Variants in PLEK2 observed in about 807,000 individuals in gnomAD.
PLEK2 encodes pleckstrin 2, also known as pleckstrin-2.
A neutral mutation model predicts 43.8 loss-of-function variants in PLEK2; 29 were observed. The observed-to-expected ratio is 0.66, with a 90% CI of 0.49 to 0.90. The LOEUF (loss-of-function observed/expected upper bound fraction) is 0.90. Ranked by LOEUF, PLEK2 falls within the 40% of genes least tolerant of loss-of-function variation. PLEK2 has a pLI of 0.00. For synonymous variants in PLEK2, 162 were observed against 173.2 expected, an observed-to-expected ratio of 0.94 and a Z score of 0.51; for missense variants, 398 against 448.1, an observed-to-expected ratio of 0.89 and a Z score of 1.01.
chr14:67,395,695 C>T, intron 2 of PLEK2, 112 bp from the exon 3 acceptor site: 1 of 765,872 alleles, frequency 1.3e-6, no homozygotes. Flanking sequence ...TGCCAAATGC[C>T]CTGAGCCCTC....
intron 1 of PLEK2, among the ~76,000 whole-genome samples, chr14:67,405,861 C>G (rs922816910): frequency 1.1e-4 from 17 of 152,226 alleles, no homozygotes; most frequent in African/African-American, 4.1e-4. Context: ...AGGTGACTGT[C>G]ACTCTTGGCT....
intron 1 of PLEK2, among the ~76,000 whole-genome samples, chr14:67,411,033 G>C (rs1341003356): frequency 6.6e-6 from 1 of 150,866 alleles, no homozygotes; most frequent in Non-Finnish European, 1.5e-5. Flanking sequence ...TGTAGTCCCA[G>C]CTACTAGGGA....
chr14:67,401,786 G>A (rs1010181040), intron 1 of PLEK2, among the ~76,000 whole-genome samples: 1 of 152,132 alleles, frequency 6.6e-6, no homozygotes, highest in African/African-American at 2.4e-5. Context: ...AAGGAGACTA[G>A]TGATATAAGA....
rs1367743453 is a variant in PLEK2, at chr14:67,395,560, T to C, written c.231A>G (p.Gln77=). The C allele has an allele frequency of 1.2e-6, 2 of 1,614,090 alleles. No homozygotes were observed. The highest frequency in any genetic ancestry group is 1.7e-5 in the Admixed American group (1 of 60,012). ...NRPLLIKLKT[Q]TSTEYFLEAC... is the part of the protein sequence containing the mutation. Reference sequence around the variant, plus strand: ...CCTCCAGGAAGTACTCCGTGGATGTTTGAGTCTTCAGCTTAATGAGGAGCT... The same window carrying C: ...CCTCCAGGAAGTACTCCGTGGATGTCTGAGTCTTCAGCTTAATGAGGAGCT... The change falls in exon 3 of 9, where the codon CAA becomes CAG. Residue 77 remains glutamine, a synonymous_variant. Transcript: ENST00000216446.
intron 1 of PLEK2, among the ~76,000 whole-genome samples, chr14:67,411,233 T>A (rs2086113219): frequency 6.7e-6 from 1 of 148,878 alleles, no homozygotes; most frequent in Non-Finnish European, 1.5e-5. Context: ...TCTACCATAA[T>A]CCCAGGCACT....
chr14:67,387,209 A>G lies in PLEK2; in HGVS notation c.*120T>C. On this transcript the variant is annotated 3_prime_UTR_variant, in exon 9 of 9. Coordinates refer to ENST00000216446, the MANE Select transcript of PLEK2 (RefSeq NM_016445.3). ...ATCTGAGGAACTCTTGGCAGCATTC[A>G]CTCTCCAAAGCAGTACAAAACTTAC... The G allele has an allele frequency of 1.1e-6, 1 of 894,918 alleles. No individual in the cohort carries two copies. Among genetic ancestry groups the G allele is most frequent in the Non-Finnish European group, 1.6e-6 (1 of 607,876 alleles). 55.4% of individuals were successfully genotyped at this position (894,918 alleles called of 1,614,324 possible). A position where few individuals can be genotyped will look rare whatever the true frequency, so the allele number is the denominator to read the frequency against.
chr14:67,397,799 G>C lies in PLEK2; in HGVS notation c.70C>G (p.Arg24Gly), dbSNP rs764876253. Residue 24 changes from arginine (R) to glycine (G), a missense_variant, in exon 2 of 9, where the codon CGA becomes GGA. Physicochemically the swap from Arg to Gly is moderately radical, Grantham distance 125 (BLOSUM62 -2). Transcript: ENST00000216446. ...GTGTTCTGCCGAAGGATGAACCATC[G>C]CGCCTTCCAGTTGTGGACAATGTGG... is the stretch of plus-strand genomic sequence containing the variant. The part of the protein sequence containing the change: ...RGHIVHNWKA[R>G]WFILRQNTLV... The C allele has an allele frequency of 6.2e-7, 1 of 1,612,234 alleles. No homozygotes were observed. Among genetic ancestry groups the C allele is most frequent in the Admixed American group, 1.7e-5 (1 of 59,802 alleles).
At chr14:67,410,072 G>A (rs1404912449) in intron 1 of PLEK2, among the ~76,000 whole-genome samples, 2 of 151,972 alleles carry the variant, frequency 1.3e-5, no homozygotes, top group Non-Finnish European at 2.9e-5. Flanking sequence ...AAGGGCTTAC[G>A]GGGACCAGAT....
intron 1 of PLEK2, among the ~76,000 whole-genome samples, chr14:67,401,425 T>C (rs1418274780): frequency 1.3e-5 from 2 of 152,006 alleles, no homozygotes; most frequent in African/African-American, 4.8e-5. Flanking sequence ...GGTGGGAGGA[T>C]TGCTGGGGCC....
At position 67,412,131 on chromosome 14, in the gene PLEK2, G is replaced by T; in HGVS notation, c.-72C>A. On this transcript the variant is annotated 5_prime_UTR_variant, in exon 1 of 9. In the 5' UTR this introduces an upstream ATG that the reference lacks. Coordinates refer to ENST00000216446, the MANE Select transcript of PLEK2 (RefSeq NM_016445.3). ...CCTCGCGCTCCTCGGCACCCGCGCA[G>T]CCCGCGCAGTCCGCGCCCACGGCGC... The T allele has an allele frequency of 7.5e-7, 1 of 1,332,594 alleles. No homozygotes were observed. The highest frequency in any genetic ancestry group is 9.8e-7 in the Non-Finnish European group (1 of 1,022,610). The allele number at this position is 1,332,594 out of a possible 1,614,324, so 82.5% of individuals were successfully genotyped here.
intron 2 of PLEK2, 98 bp from the exon 3 acceptor site, chr14:67,395,681 T>G: frequency 1.1e-6 from 1 of 904,390 alleles, no homozygotes; most frequent in Non-Finnish European, 1.8e-6. Context: ...TAGGTGACAG[T>G]GACTGCCAAA....
chr14:67,392,483 A>G (rs990039910), intron 5 of PLEK2, 56 bp from the exon 6 acceptor site: 37 of 1,391,960 alleles, frequency 2.7e-5, no homozygotes, highest in Non-Finnish European at 3.7e-5. Context: ...GGCCCAGGCT[A>G]TGGCGGCTGT....
intron 3 of PLEK2, among the ~76,000 whole-genome samples, chr14:67,395,014 A>G (rs1489578511): frequency 1.3e-5 from 2 of 152,150 alleles, no homozygotes; most frequent in African/African-American, 4.8e-5. Context: ...CTCTATAATG[A>G]TAAGAAATAA....
At chr14:67,390,164 A>AT (rs927978122) in intron 7 of PLEK2, among the ~76,000 whole-genome samples, 65 of 152,072 alleles carry the variant, frequency 4.3e-4, no homozygotes, top group Non-Finnish European at 7.2e-4. Context: ...CATAAAAATG[A>AT]TTTTTTTTTA....
chr14:67,411,939 G>T, intron 1 of PLEK2, 79 bp downstream of exon 1: 1 of 1,300,290 alleles, frequency 7.7e-7, no homozygotes, highest in South Asian at 1.3e-5. Context: ...GTTCCGGGGC[G>T]CGCGTCTGGC....
At chr14:67,397,467 G>A (rs1042348512) in intron 2 of PLEK2, among the ~76,000 whole-genome samples, 195 bp downstream of exon 2, 1 of 152,246 alleles carries the variant, frequency 6.6e-6, no homozygotes, top group African/African-American at 2.4e-5. Context: ...TTACAGATGA[G>A]GAACGAAGGC....
chr14:67,401,267 G>C (rs1403199756), intron 1 of PLEK2, among the ~76,000 whole-genome samples: 1 of 151,318 alleles, frequency 6.6e-6, no homozygotes, highest in Non-Finnish European at 1.5e-5. Flanking sequence ...CAGAAGGATT[G>C]CTTGAGCCCA....
At chr14:67,407,822 T>C (rs927008223) in intron 1 of PLEK2, among the ~76,000 whole-genome samples, 1 of 152,030 alleles carries the variant, frequency 6.6e-6, no homozygotes, top group Non-Finnish European at 1.5e-5. Flanking sequence ...AAAGCAGAGA[T>C]GCCAGCTGGG....
intron 1 of PLEK2, among the ~76,000 whole-genome samples, chr14:67,410,579 T>C (rs115020792): frequency 1.3e-3 from 205 of 152,280 alleles, no homozygotes; most frequent in African/African-American, 4.7e-3. Context: ...TCTACCCTCC[T>C]TGCTTACTGT....
Sources: gnomAD v4.1 joint callset for allele counts (sites outside exome capture counted in the v4.1 genomes callset) on GRCh38, gnomAD v4.1.1 for gene constraint, MANE v1.5 for transcripts, NCBI Gene and HGNC (gene_info 2026-07-23, HGNC 2026-07-21) for gene names.